Variants in TMEM156 observed in about 807,000 individuals in gnomAD.
TMEM156 encodes transmembrane protein 156.
Under a neutral mutation model 30.5 loss-of-function variants are expected in TMEM156, and 28 were observed. The observed-to-expected ratio is 0.92, with a 90% CI of 0.68 to 1.26. TMEM156 has a LOEUF of 1.26. Ranked by LOEUF, TMEM156 falls within the 50% of genes most tolerant of loss-of-function variation. TMEM156 has a pLI of 0.00. For missense variants in TMEM156, 351 were observed against 340.6 expected (o/e 1.03, Z -0.24); for synonymous variants, 137 against 119.9 (o/e 1.14, Z -0.93).
rs146777400 is a variant in TMEM156 at position 38,978,721 on chromosome 4, A to G, written c.824-7584T>C. Among the ~76,000 whole-genome samples, 8 of 152,382 alleles carry G rather than the reference A, an allele frequency of 5.2e-5. No individual in the cohort carries two copies. The East Asian group carries it at 1.5e-3, about 29-fold the overall frequency. ...TGTTAAATGTTAAAACCTCTCTGTT[A>G]AATGAGCTTGTCAGGCTACCCCTAA... On this transcript the variant is annotated intron_variant, in intron 5 of 6. Transcript: ENST00000381938.
Position 38,993,848 on chromosome 4 carries a change from A to T in TMEM156, c.509T>A (p.Ile170Asn). The T allele has an allele frequency of 6.2e-7, 1 of 1,613,970 alleles. No individual in the cohort carries two copies. The highest frequency in any genetic ancestry group is 1.1e-5 in the South Asian group (1 of 91,072). Residue 170 changes from isoleucine (I) to asparagine (N), a missense_variant, in exon 3 of 7, where the codon ATC (isoleucine) becomes AAC (asparagine). By Grantham distance (149) the Ile-to-Asn change is moderately radical (BLOSUM62 -3). Transcript: ENST00000381938. The stretch of plus-strand genomic sequence containing the variant: ...CTCCTTGCTTGGCTCATCCTCCATG[A>T]TTGTTGATCTTCCAGTGTGGTTTTT... Reference protein sequence around the residue: ...HLKNHTGRSTIMEDEPSKEKS... With the variant: ...HLKNHTGRSTNMEDEPSKEKS...
chr4:38,981,835 A>C (rs1711584765), intron 5 of TMEM156, among the ~76,000 whole-genome samples: 1 of 152,170 alleles, frequency 6.6e-6, no homozygotes, highest in Non-Finnish European at 1.5e-5. Flanking sequence ...AAGCTCTATA[A>C]AGGCAAGGAC....
At chr4:39,001,376 G>A (rs1318705796) in intron 1 of TMEM156, among the ~76,000 whole-genome samples, 9 of 144,138 alleles carry the variant, frequency 6.2e-5, no homozygotes, top group Non-Finnish European at 6.0e-5. Flanking sequence ...GACAGAATGA[G>A]ACTCCATCTA....
chr4:38,987,006 G>T (rs946790823), intron 4 of TMEM156, among the ~76,000 whole-genome samples: 9 of 151,798 alleles, frequency 5.9e-5, no homozygotes, highest in African/African-American at 2.2e-4. Context: ...GCTTGGATTT[G>T]CAAGCCTTTG....
rs750563780 is a variant in TMEM156 at position 39,032,299 on chromosome 4, G to A, written c.15C>T (p.Ala5=). The change falls in exon 1 of 7, where the codon GCC becomes GCT. Residue 5 remains alanine, a synonymous_variant. Coordinates refer to ENST00000381938, the MANE Select transcript of TMEM156 (RefSeq NM_024943.3). ...CTATTGCCACAAATAATTTAAGGAGGGCTGTTTTTGTCATGTCTCTTCACA... is the reference window on the plus strand; with the variant it reads ...CTATTGCCACAAATAATTTAAGGAGAGCTGTTTTTGTCATGTCTCTTCACA... MTKT[A]LLKLFVAIVI... The A allele has an allele frequency of 1.2e-6, 2 of 1,607,570 alleles. No homozygotes were observed. The highest frequency in any genetic ancestry group is 1.7e-6 in the Non-Finnish European group (2 of 1,176,078).
At chr4:38,986,807 C>CA (rs59087758) in intron 4 of TMEM156, among the ~76,000 whole-genome samples, 12 of 23,740 alleles carry the variant, frequency 5.1e-4, no homozygotes, top group African/African-American at 8.3e-4. Context: ...GACTCCATCT[C>CA]AAAAAAAAAA....
intron 1 of TMEM156, among the ~76,000 whole-genome samples, chr4:39,025,363 A>G (rs1715137796): frequency 6.6e-6 from 1 of 151,642 alleles, no homozygotes. Context: ...AAAAAAAAAA[A>G]AAAAAGATTG....
chr4:39,005,157 C>T (rs1023089046), intron 1 of TMEM156, among the ~76,000 whole-genome samples: 1 of 152,170 alleles, frequency 6.6e-6, no homozygotes, highest in African/African-American at 2.4e-5. Flanking sequence ...ATATGACATT[C>T]AAGAAAATGG....
At chr4:38,976,721 G>T (rs573047810) in intron 5 of TMEM156, among the ~76,000 whole-genome samples, 2 of 152,318 alleles carry the variant, frequency 1.3e-5, no homozygotes, top group South Asian at 4.1e-4. Context: ...TATTTAAAAT[G>T]CATGTTGCAG....
intron 1 of TMEM156, among the ~76,000 whole-genome samples, chr4:39,003,327 ATATT>A (rs1713509173): frequency 6.6e-6 from 1 of 151,956 alleles, no homozygotes; most frequent in Non-Finnish European, 1.5e-5. Flanking sequence ...ATGTCTTAAT[ATATT>A]TATTTATTTT....
At chr4:39,015,775 G>A (rs975372921) in intron 1 of TMEM156, among the ~76,000 whole-genome samples, 1 of 152,144 alleles carries the variant, frequency 6.6e-6, no homozygotes, top group African/African-American at 2.4e-5. Flanking sequence ...CCCAGTGGGA[G>A]ATAATTGAAT....
chr4:39,001,249 T>G (rs1713334919), intron 1 of TMEM156, among the ~76,000 whole-genome samples: 2 of 148,088 alleles, frequency 1.4e-5, no homozygotes, highest in African/African-American at 5.0e-5. Flanking sequence ...TAGCTGGGCA[T>G]GGTGGCGGGC....
intron 1 of TMEM156, among the ~76,000 whole-genome samples, chr4:39,006,883 T>C (rs1713775139): frequency 2.0e-5 from 3 of 152,026 alleles, no homozygotes; most frequent in Admixed American, 2.0e-4. Context: ...GTTGAGGCCG[T>C]GGTGAGCCAT....
At chr4:39,014,397 ATCT>A (rs1313097849) in intron 1 of TMEM156, among the ~76,000 whole-genome samples, 3 of 152,188 alleles carry the variant, frequency 2.0e-5, no homozygotes, top group African/African-American at 7.2e-5. Flanking sequence ...CAATGAAATC[ATCT>A]TCTCCAGTTT....
intron 1 of TMEM156, among the ~76,000 whole-genome samples, chr4:39,024,792 A>G (rs905996360): frequency 2.0e-5 from 3 of 152,170 alleles, no homozygotes; most frequent in Non-Finnish European, 4.4e-5. Flanking sequence ...TATATAACAA[A>G]CCTGCACATG....
chr4:38,976,383 C>G (rs1248457367), intron 5 of TMEM156, among the ~76,000 whole-genome samples: 1 of 151,796 alleles, frequency 6.6e-6, no homozygotes, highest in African/African-American at 2.4e-5. Flanking sequence ...CCTCTGGGAC[C>G]TGAGGACAGC....
chr4:39,014,989 G>C (rs1270387694), intron 1 of TMEM156, among the ~76,000 whole-genome samples: 1 of 152,112 alleles, frequency 6.6e-6, no homozygotes, highest in Non-Finnish European at 1.5e-5. Context: ...ACCATGGACT[G>C]AGTTTCTTTA....
In TMEM156 at chr4:38,998,626, C is replaced by T. The variant is rs1180474822; in HGVS notation, c.358+14G>A. On this transcript the variant is annotated intron_variant, in intron 2 of 6. Coordinates refer to ENST00000381938, the MANE Select transcript of TMEM156 (RefSeq NM_024943.3). ...CCTGATACCATTTTATTCTCACCTT[C>T]ACTTTGTGTTTACCTTTTGATGTTT... The T allele has an allele frequency of 6.2e-7, 1 of 1,600,316 alleles. No homozygotes were observed. Among genetic ancestry groups the T allele is most frequent in the Non-Finnish European group, 8.5e-7 (1 of 1,172,634 alleles).
At chr4:38,978,435 A>G (rs1325647014) in intron 5 of TMEM156, among the ~76,000 whole-genome samples, 2 of 152,102 alleles carry the variant, frequency 1.3e-5, no homozygotes, top group African/African-American at 4.8e-5. Flanking sequence ...TATTCCCCAG[A>G]ACCTACCTTA....
Sources: gnomAD v4.1 joint callset for allele counts (sites outside exome capture counted in the v4.1 genomes callset) on GRCh38, gnomAD v4.1.1 for gene constraint, MANE v1.5 for transcripts, NCBI Gene and HGNC (gene_info 2026-07-23, HGNC 2026-07-21) for gene names.